IGFBP7: variants seen among roughly 807,000 people sequenced by gnomAD.
The protein encoded by IGFBP7 is insulin-like growth factor-binding protein 7.
A neutral mutation model predicts 29.4 loss-of-function variants in IGFBP7; 31 were observed. The ratio of observed to expected loss-of-function variants is 1.05; its 90% CI spans 0.79 to 1.42. IGFBP7 has a LOEUF of 1.42. IGFBP7 is among the 40% of genes most tolerant of loss of function. The pLI is 0.00. For missense variants in IGFBP7, 393 were observed against 395.5 expected, an observed-to-expected ratio of 0.99 and a Z score of 0.05; for synonymous variants, 172 against 174.9, an observed-to-expected ratio of 0.98 and a Z score of 0.13.
At chr4:57,055,080 C>T (rs903067430) in intron 1 of IGFBP7, among the ~76,000 whole-genome samples, 16 of 152,166 alleles carry the variant, frequency 1.1e-4, no homozygotes, top group Admixed American at 3.9e-4. Context: ...AGCTACCAAG[C>T]AGAGGTTTAT....
At chr4:57,035,204 C>A (rs2109736806) in intron 2 of IGFBP7, among the ~76,000 whole-genome samples, 1 of 152,268 alleles carries the variant, frequency 6.6e-6, no homozygotes, top group Admixed American at 6.5e-5. Context: ...TTAACCTGAT[C>A]CACTATGGAA....
chr4:57,105,960 G>A (rs1726020872), intron 1 of IGFBP7, among the ~76,000 whole-genome samples: 1 of 148,466 alleles, frequency 6.7e-6, no homozygotes, highest in African/African-American at 2.5e-5. Context: ...AGGCAGGAGT[G>A]CAGTGGTGCT....
chr4:57,059,445 G>C (rs995324091), intron 1 of IGFBP7, among the ~76,000 whole-genome samples: 8 of 152,172 alleles, frequency 5.3e-5, no homozygotes, highest in African/African-American at 1.9e-4. Context: ...GTCTTTTGCA[G>C]GAACACGGAG....
At chr4:57,087,952 CT>C (rs1386975096) in intron 1 of IGFBP7, among the ~76,000 whole-genome samples, 3 of 152,078 alleles carry the variant, frequency 2.0e-5, no homozygotes, top group Admixed American at 2.0e-4. Flanking sequence ...GATTCAGACT[CT>C]TTTCTTCTAA....
At chr4:57,077,434 T>C (rs1270335108) in intron 1 of IGFBP7, among the ~76,000 whole-genome samples, 1 of 152,128 alleles carries the variant, frequency 6.6e-6, no homozygotes, top group Non-Finnish European at 1.5e-5. Context: ...CATGCCACCA[T>C]ACCCGGCTAA....
intron 1 of IGFBP7, among the ~76,000 whole-genome samples, chr4:57,063,009 C>T (rs1312928363): frequency 6.6e-6 from 1 of 152,044 alleles, no homozygotes; most frequent in Non-Finnish European, 1.5e-5. Context: ...CATTTCTTGC[C>T]ACATCCCTCC....
At chr4:57,080,572 G>A (rs60954967) in intron 1 of IGFBP7, among the ~76,000 whole-genome samples, 5,648 of 152,216 alleles carry the variant, frequency 0.037, 344 homozygotes, top group African/African-American at 0.13. Flanking sequence ...TTTTCACCCA[G>A]GGTGGAGTGC....
At chr4:57,046,768 C>A (rs898855298) in intron 1 of IGFBP7, among the ~76,000 whole-genome samples, 1 of 152,124 alleles carries the variant, frequency 6.6e-6, no homozygotes, top group African/African-American at 2.4e-5. Flanking sequence ...CTCGGCAACT[C>A]CAGAAAGCAA....
chr4:57,081,267 G>A (rs1287689153), intron 1 of IGFBP7, among the ~76,000 whole-genome samples: 2 of 151,890 alleles, frequency 1.3e-5, no homozygotes, highest in Non-Finnish European at 2.9e-5. Flanking sequence ...AGAGCTTTCT[G>A]GCCCATACTC....
At chr4:57,039,950 C>T (rs1452220793) in intron 2 of IGFBP7, among the ~76,000 whole-genome samples, 3 of 151,118 alleles carry the variant, frequency 2.0e-5, no homozygotes, top group Non-Finnish European at 4.4e-5. Context: ...TTCTTTTTTT[C>T]CATTTGGGAA....
chr4:57,104,255 T>C (rs1231133981), intron 1 of IGFBP7, among the ~76,000 whole-genome samples: 1 of 152,174 alleles, frequency 6.6e-6, no homozygotes, highest in Non-Finnish European at 1.5e-5. Flanking sequence ...CCCTTCTAAC[T>C]CTACCACAAC....
chr4:57,110,295 C>T lies in IGFBP7; in HGVS notation c.57G>A (p.Leu19=). Residue 19 remains leucine (L), a synonymous_variant, in exon 1 of 5, where the codon CTG becomes CTA. Coordinates refer to ENST00000295666, the MANE Select transcript of IGFBP7 (RefSeq NM_001553.3). ...AGGAGGAAGAGGAGAGGGGCAGGAG[C>T]AGGAGCAGCAGCCCAGCGGCGCCGA... The part of the protein sequence containing the change: ...LLLGAAGLLL[L]LLPLSSSSSS... The T allele has an allele frequency of 7.0e-7, 1 of 1,424,876 alleles. No homozygotes were observed. The highest frequency in any genetic ancestry group is 2.6e-5 in the Admixed American group (1 of 38,914). 88.3% of individuals were successfully genotyped at this position (1,424,876 alleles called of 1,614,324 possible).
Position 57,089,569 on chromosome 4 carries a change from G to A in IGFBP7, c.475+20308C>T, listed in dbSNP as rs181718572. Among the ~76,000 whole-genome samples, 295 of 152,286 alleles carry A rather than the reference G, an allele frequency of 1.9e-3. 1 individual carries two copies. Among genetic ancestry groups the A allele is most frequent in the Middle Eastern group, 0.014 (4 of 294 alleles). ...ATTTCACACTTCAGTGAAGTCTGAT[G>A]GGGTCTGTGGTCTCTAAAACACTAA... is the stretch of plus-strand genomic sequence containing the variant. On this transcript the variant is annotated intron_variant, in intron 1 of 4. Coordinates refer to ENST00000295666, the MANE Select transcript of IGFBP7 (RefSeq NM_001553.3).
intron 1 of IGFBP7, chr4:57,065,556 C>A (rs1253763348): frequency 6.6e-6 from 1 of 152,334 alleles, no homozygotes; most frequent in Non-Finnish European, 1.5e-5. Flanking sequence ...CAGAGACTAT[C>A]CGGCCACGGC....
chr4:57,101,791 T>C (rs1377764910), intron 1 of IGFBP7, among the ~76,000 whole-genome samples: 2 of 150,660 alleles, frequency 1.3e-5, no homozygotes, highest in Non-Finnish European at 1.5e-5. Context: ...AAGCCATATA[T>C]GACAGGCTGG....
intron 1 of IGFBP7, among the ~76,000 whole-genome samples, chr4:57,088,253 G>C (rs1725545214): frequency 1.3e-5 from 2 of 152,172 alleles, no homozygotes; most frequent in African/African-American, 2.4e-5. Context: ...CGGGATTAGA[G>C]GTGTGAGCCA....
intron 1 of IGFBP7, among the ~76,000 whole-genome samples, chr4:57,073,697 T>A (rs10049992): frequency 6.6e-6 from 1 of 152,140 alleles, no homozygotes; most frequent in East Asian, 1.9e-4. Flanking sequence ...AGGAGGGGCC[T>A]CTTCAAACAG....
chr4:57,081,162 TCAGGG>T (rs1725357367), intron 1 of IGFBP7, among the ~76,000 whole-genome samples: 1 of 152,180 alleles, frequency 6.6e-6, no homozygotes, highest in Non-Finnish European at 1.5e-5. Flanking sequence ...ATTCTTAGCT[TCAGGG>T]CAGGGCCCAG....
intron 1 of IGFBP7, among the ~76,000 whole-genome samples, chr4:57,090,211 T>C (rs1181258169): frequency 6.6e-6 from 1 of 152,218 alleles, no homozygotes; most frequent in Non-Finnish European, 1.5e-5. Context: ...TCCTTATATG[T>C]TGAGGGATTG....
Sources: allele counts gnomAD v4.1 joint callset (sites outside exome capture counted in the v4.1 genomes callset), GRCh38; gene constraint gnomAD v4.1.1; transcripts MANE v1.5; gene names NCBI Gene and HGNC (gene_info 2026-07-23, HGNC 2026-07-21).